SLC9B1: variants seen among roughly 807,000 people sequenced by gnomAD.
SLC9B1 encodes the protein solute carrier family 9 member B1, also known as sodium/hydrogen exchanger 9B1.
In SLC9B1, 32 loss-of-function variants were observed where a neutral mutation model predicts 51.7. That is an observed-to-expected ratio of 0.62 (90% confidence interval 0.47 to 0.83). The LOEUF is 0.83. Ranked by LOEUF, SLC9B1 falls within the 40% of genes least tolerant of loss-of-function variation. The probability of loss-of-function intolerance (pLI) is 0.00; values close to 1 mark genes in which losing one functional copy is unlikely to be tolerated. For synonymous variants in SLC9B1, 145 were observed against 212.7 expected, an observed-to-expected ratio of 0.68 and a Z score of 2.77; for missense variants, 406 against 613.2, an observed-to-expected ratio of 0.66 and a Z score of 3.57.
intron 3 of SLC9B1, among the ~76,000 whole-genome samples, chr4:102,976,232 G>A (rs540607968): frequency 8.5e-5 from 13 of 152,222 alleles, no homozygotes; most frequent in African/African-American, 2.6e-4. Context: ...CACCAGTTAC[G>A]GTCGTTTTCA....
chr4:102,896,239 G>A (rs1734529120), downstream of SLC9B1, among the ~76,000 whole-genome samples: 2 of 152,160 alleles, frequency 1.3e-5, no homozygotes, highest in African/African-American at 4.8e-5. Flanking sequence ...CTCCCCTTCT[G>A]AGTGGTGGCC....
At position 102,885,338 on chromosome 4, in the gene SLC9B1, C is replaced by A. The variant is rs766086013; in HGVS notation, c.1333-10G>T. 12 of 1,613,770 alleles carry A rather than the reference C, an allele frequency of 7.4e-6. No individual in the cohort carries two copies. The highest frequency in any genetic ancestry group is 7.6e-6 in the Non-Finnish European group (9 of 1,179,856). ...GGATAGCTTGATTAATCTTAAAATA[C>A]AAAAGGAAAATCCGAAAGTAGTGAA... On this transcript the variant is annotated splice_polypyrimidine_tract_variant and intron_variant, in intron 11 of 11. Transcript: ENST00000394789.
chr4:102,937,205 C>T lies in SLC9B1; in HGVS notation c.654-4906G>A, dbSNP rs539757133. ...GCAACCTCCACTTCCCGGGTTCAAG[C>T]GATTCTTCTGCCTCAGCCTCCCAAG... On this transcript the variant is annotated intron_variant, in intron 6 of 11. Transcript: ENST00000296422. 1.4e-4 allele frequency among the ~76,000 whole-genome samples: 21 copies of T among 151,858 alleles called. No homozygotes were observed. In the South Asian group the frequency reaches 4.0e-3, roughly 29 times the overall value.
chr4:103,019,040 C>T (rs566512942), intron 1 of SLC9B1, among the ~76,000 whole-genome samples: 1 of 152,244 alleles, frequency 6.6e-6, no homozygotes, highest in East Asian at 1.9e-4. Flanking sequence ...TGCCCCCCAC[C>T]CCAAACTGTC....
chr4:102,977,168 G>C (rs1337783200), intron 3 of SLC9B1, among the ~76,000 whole-genome samples: 1 of 151,052 alleles, frequency 6.6e-6, no homozygotes, highest in Non-Finnish European at 1.5e-5. Flanking sequence ...GAAAAAAAAA[G>C]AGAGAAATAT....
intron 3 of SLC9B1, among the ~76,000 whole-genome samples, chr4:102,968,678 T>C (rs973735406): frequency 1.3e-5 from 2 of 152,112 alleles, no homozygotes; most frequent in Non-Finnish European, 2.9e-5. Context: ...CTGGGACTGG[T>C]TGGACAGTGG....
chr4:102,943,021 A>G (rs2110470228), intron 6 of SLC9B1, among the ~76,000 whole-genome samples: 1 of 152,308 alleles, frequency 6.6e-6, no homozygotes, highest in South Asian at 2.1e-4. Flanking sequence ...TGCTAAGGAC[A>G]TGAATAGACA....
At chr4:102,978,438 G>T (rs192560364) in intron 3 of SLC9B1, among the ~76,000 whole-genome samples, 4 of 152,182 alleles carry the variant, frequency 2.6e-5, no homozygotes, top group African/African-American at 9.6e-5. Context: ...CTGATATCCA[G>T]AATCTACAAT....
downstream of SLC9B1, among the ~76,000 whole-genome samples, chr4:102,896,131 G>A (rs1358210300): frequency 6.6e-6 from 1 of 152,150 alleles, no homozygotes; most frequent in African/African-American, 2.4e-5. Context: ...TTGGAACTCT[G>A]TGAACTATAG....
At chr4:102,990,027 A>G in intron 2 of SLC9B1, 86 bp from the exon 3 acceptor site, 1 of 1,050,596 alleles carries the variant, frequency 9.5e-7, no homozygotes, top group Non-Finnish European at 1.4e-6. Context: ...TTAGAATTAA[A>G]TTTATATTAT....
chr4:102,918,675 A>C (rs1017892976), intron 7 of SLC9B1, among the ~76,000 whole-genome samples: 15 of 152,208 alleles, frequency 9.9e-5, no homozygotes, highest in Non-Finnish European at 1.6e-4. Flanking sequence ...AAGGGAGTTT[A>C]CTTTCCCTTT....
intron 11 of SLC9B1, among the ~76,000 whole-genome samples, chr4:102,902,705 T>G (rs1197700301): frequency 6.6e-6 from 1 of 152,206 alleles, no homozygotes; most frequent in Non-Finnish European, 1.5e-5. Context: ...TGTGAGGACT[T>G]TATTAGATGA....
At chr4:102,983,842 T>C (rs1342640656) in intron 3 of SLC9B1, among the ~76,000 whole-genome samples, 1 of 152,104 alleles carries the variant, frequency 6.6e-6, no homozygotes, top group Non-Finnish European at 1.5e-5. Context: ...GGTTTTTGTT[T>C]CATTGAATTT....
At chr4:102,921,820 T>C (rs916063733) in intron 7 of SLC9B1, among the ~76,000 whole-genome samples, 19 of 152,160 alleles carry the variant, frequency 1.2e-4, no homozygotes, top group African/African-American at 3.9e-4. Flanking sequence ...AAGAAGGCCA[T>C]TACATAATGG....
At chr4:102,968,636 G>A (rs1463765989) in intron 3 of SLC9B1, among the ~76,000 whole-genome samples, 14 of 152,192 alleles carry the variant, frequency 9.2e-5, no homozygotes, top group African/African-American at 2.9e-4. Context: ...GGTGATTTCT[G>A]CATTTCCAAC....
At chr4:102,942,548 A>G (rs971930399) in intron 6 of SLC9B1, among the ~76,000 whole-genome samples, 2 of 152,200 alleles carry the variant, frequency 1.3e-5, no homozygotes, top group African/African-American at 4.8e-5. Flanking sequence ...CTGATCTTTA[A>G]CAAAGGAAAC....
chr4:102,968,146 T>G (rs1441572937), intron 3 of SLC9B1, among the ~76,000 whole-genome samples: 1 of 152,142 alleles, frequency 6.6e-6, no homozygotes, highest in Non-Finnish European at 1.5e-5. Flanking sequence ...GAATCCACAT[T>G]AAGAGAGATA....
downstream of SLC9B1, among the ~76,000 whole-genome samples, chr4:102,899,085 G>T (rs1426293542): frequency 6.6e-6 from 1 of 150,710 alleles, no homozygotes; most frequent in Non-Finnish European, 1.5e-5. Flanking sequence ...ATGGTTAACT[G>T]GTTGTAATTT....
chr4:102,988,087 A>G (rs1297670802), intron 3 of SLC9B1, among the ~76,000 whole-genome samples: 1 of 152,192 alleles, frequency 6.6e-6, no homozygotes, highest in African/African-American at 2.4e-5. Context: ...ATTTTAATGG[A>G]GAAGTTCTGT....
Sources: allele counts gnomAD v4.1 joint callset (sites outside exome capture counted in the v4.1 genomes callset), GRCh38; gene constraint gnomAD v4.1.1; transcripts MANE v1.5; gene names NCBI Gene and HGNC (gene_info 2026-07-23, HGNC 2026-07-21).